Variants in ARHGAP15 observed in about 807,000 individuals in gnomAD.
ARHGAP15 encodes the protein rho GTPase-activating protein 15.
Under a neutral mutation model 63.7 loss-of-function variants are expected in ARHGAP15, and 51 were observed. The observed-to-expected ratio is 0.80, with a 90% CI of 0.64 to 1.01. The LOEUF (loss-of-function observed/expected upper bound fraction) is 1.01. Among genes scored for constraint, ARHGAP15 ranks in the 50% least tolerant of loss-of-function variants. The pLI is 0.00. For missense variants in ARHGAP15, 560 were observed against 564.6 expected (o/e 0.99, Z 0.08); for synonymous variants, 191 against 193.8 (o/e 0.99, Z 0.12).
At chr2:143,332,890 AT>A (rs1231305785) in intron 6 of ARHGAP15, among the ~76,000 whole-genome samples, 2 of 151,912 alleles carry the variant, frequency 1.3e-5, no homozygotes, top group Non-Finnish European at 2.9e-5. Context: ...TTTCAACTGC[AT>A]AGTACGTATA....
chr2:143,418,048 A>G (rs1381672259), intron 6 of ARHGAP15, among the ~76,000 whole-genome samples: 1 of 152,232 alleles, frequency 6.6e-6, no homozygotes, highest in Non-Finnish European at 1.5e-5. Flanking sequence ...TTTGGGTACA[A>G]TAATACTATT....
chr2:143,702,535 T>G (rs1684137124), intron 12 of ARHGAP15, among the ~76,000 whole-genome samples: 1 of 152,184 alleles, frequency 6.6e-6, no homozygotes, highest in East Asian at 1.9e-4. Flanking sequence ...AATAGAATAT[T>G]TGTAATCAAA....
At chr2:143,730,830 G>A (rs945835182) in intron 13 of ARHGAP15, among the ~76,000 whole-genome samples, 2 of 148,296 alleles carry the variant, frequency 1.3e-5, no homozygotes, top group African/African-American at 5.0e-5. Flanking sequence ...TGTGTGGGAA[G>A]GGGTTGGTTT....
At chr2:143,644,112 G>A (rs1680746297) in intron 12 of ARHGAP15, among the ~76,000 whole-genome samples, 1 of 152,062 alleles carries the variant, frequency 6.6e-6, no homozygotes, top group South Asian at 2.1e-4. Flanking sequence ...GTGTGACACA[G>A]GAACTTTCAG....
intron 6 of ARHGAP15, among the ~76,000 whole-genome samples, chr2:143,309,179 C>T (rs1433667472): frequency 6.6e-6 from 1 of 152,010 alleles, no homozygotes; most frequent in African/African-American, 2.4e-5. Flanking sequence ...TCAACCTTTT[C>T]CCTTCATGCT....
chr2:143,747,052 T>C (rs986915642), intron 13 of ARHGAP15, among the ~76,000 whole-genome samples: 5 of 152,066 alleles, frequency 3.3e-5, no homozygotes, highest in Admixed American at 2.0e-4. Flanking sequence ...TTTAAAAAAC[T>C]GATCAGAATC....
chr2:143,661,841 C>T (rs976394952), intron 12 of ARHGAP15, among the ~76,000 whole-genome samples: 7 of 152,270 alleles, frequency 4.6e-5, no homozygotes, highest in East Asian at 1.9e-4. Flanking sequence ...CACTCCCACC[C>T]GAATATTACG....
chr2:143,633,041 G>A (rs1236014830), intron 12 of ARHGAP15, among the ~76,000 whole-genome samples: 1 of 152,110 alleles, frequency 6.6e-6, no homozygotes, highest in East Asian at 1.9e-4. Flanking sequence ...TAAAAATAAT[G>A]CAGTATAAAA....
intron 6 of ARHGAP15, among the ~76,000 whole-genome samples, chr2:143,272,428 C>A (rs756842950): frequency 6.6e-6 from 1 of 151,612 alleles, no homozygotes; most frequent in Non-Finnish European, 1.5e-5. Context: ...GTCAGGAGTT[C>A]GAGACCAGCT....
At position 143,743,380 on chromosome 2, in the gene ARHGAP15, G is replaced by A. The variant is rs1686033797; in HGVS notation, c.1245-24609G>A. On this transcript the variant is annotated intron_variant, in intron 13 of 13. Coordinates refer to ENST00000295095, the MANE Select transcript of ARHGAP15 (RefSeq NM_018460.4). ...CCCAGACAGTCATTAAGGTGTAGAG[G>A]TAGAAGACCTCTACTGAGGGGCATG... Among the ~76,000 whole-genome samples the A allele has an allele frequency of 2.6e-5, 4 of 152,306 alleles. No individual in the cohort carries two copies. In the South Asian group the frequency reaches 8.3e-4, roughly 32 times the overall value.
intron 2 of ARHGAP15, among the ~76,000 whole-genome samples, chr2:143,157,925 T>C (rs1050147865): frequency 1.3e-5 from 2 of 151,840 alleles, no homozygotes; most frequent in Non-Finnish European, 2.9e-5. Flanking sequence ...TGGGCACATA[T>C]TCAAATGCAG....
chr2:143,614,541 GTCA>G (rs1698385380), intron 11 of ARHGAP15, among the ~76,000 whole-genome samples: 1 of 152,094 alleles, frequency 6.6e-6, no homozygotes, highest in Non-Finnish European at 1.5e-5. Flanking sequence ...TATATCTATT[GTCA>G]TCATCGTTGG....
At chr2:143,666,730 AC>A (rs1364352002) in intron 12 of ARHGAP15, among the ~76,000 whole-genome samples, 1 of 136,012 alleles carries the variant, frequency 7.4e-6, no homozygotes, top group Non-Finnish European at 1.6e-5. Flanking sequence ...CAAGAAAAAA[AC>A]AAACAACCCC....
Position 143,703,400 on chromosome 2 carries a change from TTTTTA to T in ARHGAP15, c.1139-14_1139-10del. ...AATCTTGTTTTTTCCCTAACCTTCC[TTTTTA>T]TTTTTTTTTCCAGAAAAGCAAGACA... is the stretch of plus-strand genomic sequence containing the variant. On this transcript the variant is annotated splice_polypyrimidine_tract_variant and intron_variant, in intron 12 of 13. Transcript: ENST00000295095. 6.3e-7 allele frequency: 1 copy of T among 1,593,070 alleles called. No homozygotes were observed. The highest frequency in any genetic ancestry group is 8.5e-7 in the Non-Finnish European group (1 of 1,172,862).
At chr2:143,486,064 A>C (rs1369639331) in intron 8 of ARHGAP15, among the ~76,000 whole-genome samples, 1 of 152,198 alleles carries the variant, frequency 6.6e-6, no homozygotes, top group Non-Finnish European at 1.5e-5. Context: ...AGCAGGATGC[A>C]AAAATTCCCT....
At chr2:143,697,888 A>G (rs1683921106) in intron 12 of ARHGAP15, among the ~76,000 whole-genome samples, 1 of 152,184 alleles carries the variant, frequency 6.6e-6, no homozygotes, top group Non-Finnish European at 1.5e-5. Context: ...GCCACAGTAC[A>G]AAAACTATAA....
chr2:143,567,275 T>C (rs1192140906), intron 11 of ARHGAP15, among the ~76,000 whole-genome samples: 2 of 152,184 alleles, frequency 1.3e-5, no homozygotes, highest in African/African-American at 2.4e-5. Context: ...TAGCTCTTAC[T>C]GTGCCTTCAA....
At chr2:143,394,524 G>A (rs1687674858) in intron 6 of ARHGAP15, among the ~76,000 whole-genome samples, 1 of 152,098 alleles carries the variant, frequency 6.6e-6, no homozygotes, top group African/African-American at 2.4e-5. Flanking sequence ...ATCTTTTAAT[G>A]GTGATAATGA....
At chr2:143,188,340 GC>G (rs1315261650) in intron 2 of ARHGAP15, among the ~76,000 whole-genome samples, 1 of 151,706 alleles carries the variant, frequency 6.6e-6, no homozygotes, top group Non-Finnish European at 1.5e-5. Context: ...GTAAATGATT[GC>G]CTAAATTTTA....
Sources: gnomAD v4.1 joint callset for allele counts (sites outside exome capture counted in the v4.1 genomes callset) on GRCh38, gnomAD v4.1.1 for gene constraint, MANE v1.5 for transcripts, NCBI Gene and HGNC (gene_info 2026-07-23, HGNC 2026-07-21) for gene names.